Variants in NRG2 observed in about 807,000 individuals in gnomAD.
NRG2 encodes pro-neuregulin-2, membrane-bound isoform.
A neutral mutation model predicts 73.9 loss-of-function variants in NRG2; 27 were observed. The observed-to-expected ratio is 0.37, with a 90% CI of 0.27 to 0.50. The LOEUF is 0.50. Ranked by LOEUF, NRG2 falls within the 20% of genes least tolerant of loss-of-function variation. The probability of loss-of-function intolerance (pLI) is 0.96; values close to 1 mark genes in which losing one functional copy is unlikely to be tolerated. For missense variants in NRG2, 1,126 were observed against 1,210.1 expected (o/e 0.93, Z 1.03); for synonymous variants, 532 against 541.0 (o/e 0.98, Z 0.23).
intron 1 of NRG2, among the ~76,000 whole-genome samples, chr5:139,951,508 A>G (rs1291789434): frequency 6.6e-6 from 1 of 152,118 alleles, no homozygotes; most frequent in Non-Finnish European, 1.5e-5. Context: ...CCCTTGGAAT[A>G]TTCCATCTGC....
intron 4 of NRG2, among the ~76,000 whole-genome samples, chr5:139,867,256 G>C (rs892355045): frequency 3.3e-5 from 5 of 152,206 alleles, no homozygotes; most frequent in African/African-American, 1.2e-4. Context: ...GTTTCTCTGG[G>C]CCTTGATGGC....
intron 1 of NRG2, among the ~76,000 whole-genome samples, chr5:140,018,950 C>G (rs1390882158): frequency 2.6e-5 from 4 of 152,150 alleles, no homozygotes; most frequent in African/African-American, 9.7e-5. Flanking sequence ...GTAGAGGGAC[C>G]CTACTTAGAA....
Position 139,894,674 on chromosome 5 carries a change from C to T in NRG2, c.701-7163G>A, listed in dbSNP as rs545031728. 5.5e-4 allele frequency among the ~76,000 whole-genome samples: 84 copies of T among 152,238 alleles called. No individual in the cohort carries two copies. In the South Asian group the frequency reaches 9.1e-3, roughly 17 times the overall value. On this transcript the variant is annotated intron_variant, in intron 1 of 9. Transcript: ENST00000361474. This position sits in a 1 kb window ranked among gnomAD's most constrained non-coding sequence, Gnocchi z 5.0. ...CAGCCCAATGCCTGGGCTTGCTTTG[C>T]CCTCTTCTTACATCCATCCAACAAA...
intron 1 of NRG2, among the ~76,000 whole-genome samples, chr5:139,912,922 A>G (rs1395218883): frequency 6.6e-6 from 1 of 152,164 alleles, no homozygotes; most frequent in Non-Finnish European, 1.5e-5. Context: ...AGGAGCCCTG[A>G]GTCTCCACAT....
intron 1 of NRG2, among the ~76,000 whole-genome samples, chr5:139,945,499 A>G (rs896305726): frequency 6.6e-6 from 1 of 151,960 alleles, no homozygotes; most frequent in Admixed American, 6.6e-5. Context: ...GTTCTGTTCC[A>G]TTGGTCTATG....
chr5:139,912,695 C>G (rs910832687), intron 1 of NRG2, among the ~76,000 whole-genome samples: 1 of 152,142 alleles, frequency 6.6e-6, no homozygotes, highest in East Asian at 1.9e-4. Context: ...CTGCAAATAC[C>G]ATAATTTACC....
At chr5:139,880,825 A>G in intron 3 of NRG2, 31 bp downstream of exon 3, 1 of 1,589,474 alleles carries the variant, frequency 6.3e-7, no homozygotes. Flanking sequence ...AAACCCCTCT[A>G]GGACCCTTCC....
intron 1 of NRG2, among the ~76,000 whole-genome samples, chr5:139,986,768 A>G (rs1757200157): frequency 6.6e-6 from 1 of 152,116 alleles, no homozygotes; most frequent in Non-Finnish European, 1.5e-5. Flanking sequence ...GGAGAATGGA[A>G]TTTTTCCATC....
intron 1 of NRG2, among the ~76,000 whole-genome samples, chr5:139,974,868 T>C (rs1030302718): frequency 6.6e-6 from 1 of 152,164 alleles, no homozygotes; most frequent in African/African-American, 2.4e-5. Context: ...TTAGACTACT[T>C]CCTTTCTAAA....
intron 2 of NRG2, among the ~76,000 whole-genome samples, chr5:139,886,787 C>G (rs1763900358): frequency 6.6e-6 from 1 of 152,180 alleles, no homozygotes; most frequent in Non-Finnish European, 1.5e-5. Flanking sequence ...AGCACTGATT[C>G]AGGATTAAAG....
intron 1 of NRG2, among the ~76,000 whole-genome samples, chr5:139,912,581 C>A (rs1274620730): frequency 2.6e-5 from 4 of 152,186 alleles, no homozygotes; most frequent in African/African-American, 7.2e-5. Context: ...ATCATCCATT[C>A]TTTCTCCTCA....
At position 140,004,841 on chromosome 5, in the gene NRG2, C is replaced by G. The variant is rs551552378; in HGVS notation, c.700+37529G>C. ...TAATAGTATTGTACCAGTGTTAATT[C>G]CTAGCTTTGATCATTGTACTATGGT... On this transcript the variant is annotated intron_variant, in intron 1 of 9. Coordinates refer to ENST00000361474, the MANE Select transcript of NRG2 (RefSeq NM_004883.3). Among the ~76,000 whole-genome samples, 5 of 152,202 alleles carry G rather than the reference C, an allele frequency of 3.3e-5. No homozygotes were observed. The South Asian group carries it at 1.0e-3, about 32-fold the overall frequency.
intron 1 of NRG2, among the ~76,000 whole-genome samples, chr5:139,963,551 A>T (rs969875474): frequency 1.3e-5 from 2 of 152,226 alleles, no homozygotes; most frequent in African/African-American, 4.8e-5. Flanking sequence ...AGCCCTATAC[A>T]TATAGGTACC....
chr5:139,959,527 C>T (rs1754904704), intron 1 of NRG2, among the ~76,000 whole-genome samples: 1 of 152,248 alleles, frequency 6.6e-6, no homozygotes, highest in Admixed American at 6.5e-5. Flanking sequence ...AAGGCATGCG[C>T]CACCACGCCC....
chr5:140,017,530 A>T (rs1759887417), intron 1 of NRG2, among the ~76,000 whole-genome samples: 1 of 152,228 alleles, frequency 6.6e-6, no homozygotes, highest in Non-Finnish European at 1.5e-5. Context: ...ATGGAAGCCA[A>T]GGGAACAGTA....
chr5:139,860,191 C>T (rs895097060), intron 5 of NRG2, among the ~76,000 whole-genome samples: 2 of 152,046 alleles, frequency 1.3e-5, no homozygotes. Context: ...GGGGTTAGTA[C>T]CTGGTGGCGA....
chr5:140,015,242 A>C (rs1310531827), intron 1 of NRG2, among the ~76,000 whole-genome samples: 1 of 152,134 alleles, frequency 6.6e-6, no homozygotes, highest in African/African-American at 2.4e-5. Flanking sequence ...TTACTACCAG[A>C]AAGTAAATTC....
chr5:139,895,720 A>C (rs956268983), intron 1 of NRG2, among the ~76,000 whole-genome samples: 3 of 152,224 alleles, frequency 2.0e-5, no homozygotes, highest in Non-Finnish European at 2.9e-5. Context: ...AAAGCTCTCT[A>C]TGGAGGGATG....
intron 1 of NRG2, among the ~76,000 whole-genome samples, chr5:139,978,702 G>A (rs1756558405): frequency 6.6e-6 from 1 of 152,036 alleles, no homozygotes; most frequent in African/African-American, 2.4e-5. Flanking sequence ...GTTTATTGTG[G>A]CACTATTCAC....
Sources: allele counts gnomAD v4.1 joint callset (sites outside exome capture counted in the v4.1 genomes callset), GRCh38; gene constraint gnomAD v4.1.1; non-coding constraint Gnocchi (gnomAD v3.1); transcripts MANE v1.5; gene names NCBI Gene and HGNC (gene_info 2026-07-23, HGNC 2026-07-21).